Variants in ARIH1 observed in about 807,000 individuals in gnomAD.
The protein encoded by ARIH1 is ariadne RBR E3 ubiquitin protein ligase 1.
A neutral mutation model predicts 85.0 loss-of-function variants in ARIH1; 8 were observed. The observed-to-expected ratio is 0.09, with a 90% CI of 0.06 to 0.17. The LOEUF is 0.17. ARIH1 is among the 10% of genes least tolerant of loss of function. The pLI, the probability that ARIH1 is intolerant of heterozygous loss-of-function variation, is 1.00. For missense variants in ARIH1, 311 were observed against 718.1 expected, an observed-to-expected ratio of 0.43 and a Z score of 6.48; for synonymous variants, 238 against 253.6, an observed-to-expected ratio of 0.94 and a Z score of 0.59.
At chr15:72,537,920 A>G (rs2064089953) in intron 2 of ARIH1, among the ~76,000 whole-genome samples, 2 of 152,248 alleles carry the variant, frequency 1.3e-5, no homozygotes, top group South Asian at 2.1e-4. Context: ...ACATGGATAC[A>G]TATAACCTAT....
At position 72,512,069 on chromosome 15, in the gene ARIH1, C is replaced by T. The variant is rs919234493; in HGVS notation, c.376-5998C>T. ...TTTATATATTGCTAGATTGTATTTCCTAATATTTCATTGAGGATTTTTGCA... is the reference window on the plus strand; with the variant it reads ...TTTATATATTGCTAGATTGTATTTCTTAATATTTCATTGAGGATTTTTGCA... On this transcript the variant is annotated intron_variant, in intron 1 of 13. Coordinates refer to ENST00000379887, the MANE Select transcript of ARIH1 (RefSeq NM_005744.5). Among the ~76,000 whole-genome samples the T allele has an allele frequency of 3.3e-5, 5 of 152,098 alleles. 1 individual carries two copies. In the South Asian group the frequency reaches 1.0e-3, roughly 31 times the overall value.
At chr15:72,578,771 A>G (rs1054450779) in intron 11 of ARIH1, among the ~76,000 whole-genome samples, 8 of 151,516 alleles carry the variant, frequency 5.3e-5, no homozygotes, top group Admixed American at 2.0e-4. Context: ...CTATTGTTCA[A>G]ATATCCCCAA....
chr15:72,504,992 A>G (rs528627360), intron 1 of ARIH1, among the ~76,000 whole-genome samples: 5 of 152,244 alleles, frequency 3.3e-5, no homozygotes, highest in Admixed American at 3.3e-4. Flanking sequence ...CTTAGAAGGC[A>G]TTAAGTATTT....
At chr15:72,485,514 GTT>G (rs1306176656) in intron 1 of ARIH1, among the ~76,000 whole-genome samples, 1 of 151,516 alleles carries the variant, frequency 6.6e-6, no homozygotes, top group Non-Finnish European at 1.5e-5. Flanking sequence ...TCAATACAGT[GTT>G]TGCCTATTGA....
At chr15:72,535,097 G>T (rs932110889) in intron 2 of ARIH1, among the ~76,000 whole-genome samples, 2 of 150,228 alleles carry the variant, frequency 1.3e-5, no homozygotes. Flanking sequence ...GACTACAGGC[G>T]CCCGCCACCT....
Position 72,475,001 on chromosome 15 carries a change from A to T in ARIH1, c.362A>T (p.Asn121Ile). The change falls in exon 1 of 14, where the codon AAC becomes ATC. Residue 121 changes from asparagine to isoleucine, a missense_variant. Asn to Ile is a moderately radical substitution (Grantham distance 149). This residue lies in a region of ARIH1 where 157 missense variants were observed against 185.1 expected (regional missense o/e 0.85). Coordinates refer to ENST00000379887, the MANE Select transcript of ARIH1 (RefSeq NM_005744.5). ...ATGGTGGAATGTATCCGGGAGGTCAACGAGGTCATCCAGGTGAGGGTGGCC... is the reference window on the plus strand; with the variant it reads ...ATGGTGGAATGTATCCGGGAGGTCATCGAGGTCATCCAGGTGAGGGTGGCC... Reference protein sequence around the residue: ...QHMVECIREVNEVIQNPATIT... With the variant: ...QHMVECIREVIEVIQNPATIT... The T allele has an allele frequency of 1.3e-6, 2 of 1,557,082 alleles. No individual in the cohort carries two copies. The highest frequency in any genetic ancestry group is 1.7e-6 in the Non-Finnish European group (2 of 1,150,036).
rs1411559391 is a variant in ARIH1 at position 72,583,211 on chromosome 15, C to T, written c.1593C>T (p.Tyr531=). The T allele has an allele frequency of 1.9e-6, 3 of 1,602,230 alleles. No homozygotes were observed. The highest frequency in any genetic ancestry group is 2.6e-6 in the Non-Finnish European group (3 of 1,172,258). Residue 531 remains tyrosine, a synonymous_variant, in exon 14 of 14, where the codon TAC becomes TAT. Transcript: ENST00000379887. ...IKQKVQDKYR[Y]CESRRRVLLQ... is the part of the protein sequence containing the mutation. ...TTTTTTTTCTCTTTGATTACAGATA[C>T]TGTGAGAGTCGACGAAGGGTTTTGT...
rs1216470567 is a variant in ARIH1 at position 72,515,716 on chromosome 15, T to C, written c.376-2351T>C. Reference sequence around the variant, plus strand: ...GCATTTGCCCCTCCCATTCCCACTTTGGTTGATCTAGCACTTGAGCAGTGA... The same window carrying C: ...GCATTTGCCCCTCCCATTCCCACTTCGGTTGATCTAGCACTTGAGCAGTGA... On this transcript the variant is annotated intron_variant, in intron 1 of 13. Transcript: ENST00000379887. Among the ~76,000 whole-genome samples the C allele has an allele frequency of 2.0e-5, 3 of 152,352 alleles. No individual in the cohort carries two copies. In the East Asian group the frequency reaches 5.8e-4, roughly 29 times the overall value.
chr15:72,578,370 C>G (rs2064280881), intron 11 of ARIH1, among the ~76,000 whole-genome samples: 1 of 152,158 alleles, frequency 6.6e-6, no homozygotes, highest in Non-Finnish European at 1.5e-5. Context: ...TGGGGGTTCT[C>G]TTCGATAGCA....
chr15:72,570,382 C>T (rs1485517575), intron 10 of ARIH1, 75 bp downstream of exon 10: 1 of 1,554,164 alleles, frequency 6.4e-7, no homozygotes, highest in East Asian at 2.3e-5. Flanking sequence ...ATTTCTACCT[C>T]ATAGATATCA....
At chr15:72,576,430 C>T (rs1393749517) in intron 11 of ARIH1, among the ~76,000 whole-genome samples, 5 of 144,300 alleles carry the variant, frequency 3.5e-5, no homozygotes, top group Admixed American at 7.1e-5. Context: ...GGCATGAACC[C>T]GGGAGGTGGA....
At chr15:72,553,422 T>A (rs1164123786) in intron 3 of ARIH1, among the ~76,000 whole-genome samples, 1 of 152,168 alleles carries the variant, frequency 6.6e-6, no homozygotes, top group Non-Finnish European at 1.5e-5. Context: ...TTATATACTA[T>A]CCAGTTCACC....
At chr15:72,559,357 C>T (rs1016626407) in intron 5 of ARIH1, among the ~76,000 whole-genome samples, 3 of 151,874 alleles carry the variant, frequency 2.0e-5, no homozygotes, top group Non-Finnish European at 2.9e-5. Context: ...GCAACCTCTA[C>T]CTCCTAGGTT....
Position 72,540,294 on chromosome 15 carries a change from A to G in ARIH1, c.444-4526A>G, listed in dbSNP as rs572364689. On this transcript the variant is annotated intron_variant, in intron 2 of 13. Coordinates refer to ENST00000379887, the MANE Select transcript of ARIH1 (RefSeq NM_005744.5). The stretch of plus-strand genomic sequence containing the variant: ...AAAAAAAAAAAAAATTAGTGAAAAA[A>G]TTATATAAAACTGTAATCAACTGGG... Among the ~76,000 whole-genome samples, 15 of 151,246 alleles carry G rather than the reference A, an allele frequency of 9.9e-5. 1 individual carries two copies. In the South Asian group the frequency reaches 3.1e-3, roughly 32 times the overall value.
chr15:72,482,989 C>T (rs1239524367), intron 1 of ARIH1, among the ~76,000 whole-genome samples: 3 of 152,010 alleles, frequency 2.0e-5, no homozygotes, highest in African/African-American at 4.8e-5. Context: ...TATAGATGTG[C>T]ACCACCACAC....
chr15:72,555,264 C>T lies in ARIH1; in HGVS notation c.589-7C>T, dbSNP rs868265435. On this transcript the variant is annotated splice_polypyrimidine_tract_variant and splice_region_variant and intron_variant, in intron 3 of 13. Transcript: ENST00000379887. The stretch of plus-strand genomic sequence containing the variant: ...TTTGTTAAGTTCATGTTTTGTTTTT[C>T]TTACAGTATTTCACTGGCCTTGAAT... 1 of 1,604,358 alleles carries T rather than the reference C, an allele frequency of 6.2e-7. No homozygotes were observed. The highest frequency in any genetic ancestry group is 8.5e-7 in the Non-Finnish European group (1 of 1,171,950).
chr15:72,535,490 C>G (rs1297392703), intron 2 of ARIH1, among the ~76,000 whole-genome samples: 1 of 152,084 alleles, frequency 6.6e-6, no homozygotes, highest in African/African-American at 2.4e-5. Flanking sequence ...ATATTACTAC[C>G]TTGTGTTTTG....
intron 11 of ARIH1, 79 bp downstream of exon 11, chr15:72,572,244 T>TC: frequency 8.8e-7 from 1 of 1,131,354 alleles, no homozygotes; most frequent in East Asian, 2.4e-5. Flanking sequence ...ATAATTTTTT[T>TC]TTTTTTTTTT....
At position 72,510,736 on chromosome 15, in the gene ARIH1, CAAAAAAAAAAAAAAAAA is replaced by C. The variant is rs57834481; in HGVS notation, c.376-7313_376-7297del. Among the ~76,000 whole-genome samples, 72 of 26,726 alleles carry C rather than the reference CAAAAAAAAAAAAAAAAA, an allele frequency of 2.7e-3. 1 individual carries two copies. Among genetic ancestry groups the C allele is most frequent in the African/African-American group, 7.0e-3 (60 of 8,594 alleles). 17.5% of individuals were successfully genotyped at this position (26,726 alleles called of 152,430 possible). A position where few individuals can be genotyped will look rare whatever the true frequency, so the allele number is the denominator to read the frequency against. On this transcript the variant is annotated intron_variant, in intron 1 of 13. Transcript: ENST00000379887. ...TGGGCAACAGAGCAAGACTCTGACT[CAAAAAAAAAAAAAAAAA>C]AAAAAAAAAAAAAAAAAGACTTTTT...
Sources: gnomAD v4.1 joint callset for allele counts (sites outside exome capture counted in the v4.1 genomes callset) on GRCh38, gnomAD v4.1.1 for gene constraint, gnomAD v4.1.1 regional missense constraint, MANE v1.5 for transcripts, NCBI Gene and HGNC (gene_info 2026-07-23, HGNC 2026-07-21) for gene names.